Variants in CADM2 observed in about 807,000 individuals in gnomAD.
CADM2 encodes the protein immunoglobulin superfamily member 4D.
A neutral mutation model predicts 49.8 loss-of-function variants in CADM2; 12 were observed. That is an observed-to-expected ratio of 0.24 (90% CI 0.15 to 0.39). The LOEUF is 0.39. Among genes scored for constraint, CADM2 ranks in the 10% least tolerant of loss-of-function variants. CADM2 has a pLI of 1.00. For synonymous variants in CADM2, 214 were observed against 175.4 expected (o/e 1.22, Z -1.74); for missense variants, 378 against 492.3 (o/e 0.77, Z 2.20).
intron 1 of CADM2, among the ~76,000 whole-genome samples, chr3:85,055,608 C>A (rs556118867): frequency 6.6e-6 from 1 of 152,166 alleles, no homozygotes; most frequent in East Asian, 1.9e-4. Flanking sequence ...TTATTTGCTT[C>A]TTATCACTGG....
intron 1 of CADM2, among the ~76,000 whole-genome samples, chr3:85,701,963 T>C (rs2066779398): frequency 8.4e-6 from 1 of 119,278 alleles, no homozygotes. Context: ...TAGATGTAGA[T>C]AGATAGACAT....
chr3:85,693,090 A>G (rs890090603), intron 1 of CADM2, among the ~76,000 whole-genome samples: 2 of 152,030 alleles, frequency 1.3e-5, no homozygotes, highest in African/African-American at 4.8e-5. Context: ...CTCTACTAAA[A>G]ATACAAAAAT....
intron 8 of CADM2, among the ~76,000 whole-genome samples, chr3:86,048,109 C>T (rs149129150): frequency 1.8e-3 from 270 of 151,974 alleles, no homozygotes; most frequent in Non-Finnish European, 3.2e-3. Flanking sequence ...GCTTATTTAT[C>T]TTTGGAGGAT....
chr3:85,155,637 A>C (rs965648308), intron 1 of CADM2, among the ~76,000 whole-genome samples: 54 of 151,928 alleles, frequency 3.6e-4, no homozygotes, highest in Non-Finnish European at 3.2e-4. Context: ...CAGAATATAC[A>C]TTTTTTTCAG....
intron 1 of CADM2, among the ~76,000 whole-genome samples, chr3:85,527,301 ATTT>A (rs1221624974): frequency 6.6e-6 from 1 of 151,428 alleles, no homozygotes; most frequent in Non-Finnish European, 1.5e-5. Context: ...TGAGAGGCTT[ATTT>A]GAGACCAGGA....
intron 1 of CADM2, among the ~76,000 whole-genome samples, chr3:85,635,351 A>C (rs895240524): frequency 2.0e-5 from 3 of 152,112 alleles, no homozygotes; most frequent in African/African-American, 4.8e-5. Context: ...ACATGGTAAA[A>C]TTATTTCTAA....
chr3:85,055,128 C>A (rs2036032319), intron 1 of CADM2, among the ~76,000 whole-genome samples: 2 of 151,876 alleles, frequency 1.3e-5, no homozygotes, highest in South Asian at 4.1e-4. Context: ...TATTCATTTT[C>A]ATTCAATGCA....
chr3:85,787,763 G>T (rs78251595), intron 2 of CADM2, among the ~76,000 whole-genome samples: 2 of 152,072 alleles, frequency 1.3e-5, no homozygotes, highest in African/African-American at 2.4e-5. Flanking sequence ...ATGTCTTGCC[G>T]TTGTGTGTAG....
intron 1 of CADM2, among the ~76,000 whole-genome samples, chr3:85,084,192 G>T (rs927871246): frequency 1.3e-5 from 2 of 152,050 alleles, no homozygotes; most frequent in East Asian, 1.9e-4. Flanking sequence ...CCATGCTTTT[G>T]GTTTTAAACC....
At chr3:85,394,790 T>C (rs2034689263) in intron 1 of CADM2, among the ~76,000 whole-genome samples, 2 of 152,196 alleles carry the variant, frequency 1.3e-5, no homozygotes, top group African/African-American at 4.8e-5. Context: ...TGTAGGGTAT[T>C]ATTGCTGTTC....
chr3:85,086,920 G>A (rs939001543), intron 1 of CADM2, among the ~76,000 whole-genome samples: 41 of 152,132 alleles, frequency 2.7e-4, no homozygotes, highest in African/African-American at 9.7e-4. Context: ...TATTTTGTCT[G>A]TATTTGAGGA....
intron 1 of CADM2, among the ~76,000 whole-genome samples, chr3:85,479,178 T>C (rs897119268): frequency 6.6e-6 from 1 of 151,822 alleles, no homozygotes; most frequent in Non-Finnish European, 1.5e-5. Context: ...AGTGTCCAAC[T>C]CCTGTAATCC....
intron 1 of CADM2, among the ~76,000 whole-genome samples, chr3:85,014,705 A>C (rs186005853): frequency 1.3e-5 from 2 of 152,272 alleles, no homozygotes; most frequent in East Asian, 3.9e-4. Context: ...GCTCAACAGG[A>C]GCTTCCAAGC....
chr3:85,139,084 A>G (rs1339796610), intron 1 of CADM2, among the ~76,000 whole-genome samples: 1 of 152,158 alleles, frequency 6.6e-6, no homozygotes, highest in African/African-American at 2.4e-5. Flanking sequence ...GTGTGGCTGT[A>G]TACAAGGGTC....
At chr3:85,988,067 T>A (rs557128702) in intron 8 of CADM2, among the ~76,000 whole-genome samples, 1 of 152,268 alleles carries the variant, frequency 6.6e-6, no homozygotes, top group Non-Finnish European at 1.5e-5. Flanking sequence ...GAAGATGACC[T>A]TGACTTCAGC....
At chr3:86,013,597 A>G (rs1731823054) in intron 8 of CADM2, 4 of 1,600,452 alleles carry the variant, frequency 2.5e-6, no homozygotes, top group Non-Finnish European at 3.4e-6. Context: ...ACTCTCAGGG[A>G]AGAGAGAGAA....
rs557002822 is a variant in CADM2 at position 85,368,190 on chromosome 3, G to A, written c.62-358332G>A. ...ATACTTATAACTTTTCAGTTTCAAGGCTCTGGATGATACATCACTAACTAT... is the reference window on the plus strand; with the variant it reads ...ATACTTATAACTTTTCAGTTTCAAGACTCTGGATGATACATCACTAACTAT... On this transcript the variant is annotated intron_variant, in intron 1 of 9. Coordinates refer to ENST00000383699, the MANE Select transcript of CADM2 (RefSeq NM_001167675.2). Among the ~76,000 whole-genome samples the A allele has an allele frequency of 2.4e-4, 36 of 151,998 alleles. No homozygotes were observed. The South Asian group carries it at 4.8e-3, about 20-fold the overall frequency.
chr3:85,976,859 A>AT (rs1296719824), intron 8 of CADM2, among the ~76,000 whole-genome samples: 1 of 151,582 alleles, frequency 6.6e-6, no homozygotes, highest in African/African-American at 2.4e-5. Flanking sequence ...ATTTTAAAAG[A>AT]TTCTAAGGAT....
chr3:85,089,688 C>T (rs568009625), intron 1 of CADM2, among the ~76,000 whole-genome samples: 6 of 152,004 alleles, frequency 3.9e-5, no homozygotes, highest in South Asian at 2.1e-4. Flanking sequence ...AATTAGAGTA[C>T]GTCTATTTAC....
Sources: allele counts gnomAD v4.1 joint callset (sites outside exome capture counted in the v4.1 genomes callset), GRCh38; gene constraint gnomAD v4.1.1; transcripts MANE v1.5; gene names NCBI Gene and HGNC (gene_info 2026-07-23, HGNC 2026-07-21).